The following SLC7A14 variants were observed in gnomAD, a reference collection of about 807,000 sequenced individuals.
SLC7A14 encodes the protein solute carrier family 7 member 14, also known as gamma-aminobutyric acid transporter SLC7A14.
In SLC7A14, 37 loss-of-function variants were observed where a neutral mutation model predicts 60.2. The observed-to-expected ratio is 0.61, with a 90% CI of 0.47 to 0.81. SLC7A14 has a LOEUF of 0.81. Among genes scored for constraint, SLC7A14 ranks in the 30% least tolerant of loss-of-function variants. SLC7A14 has a pLI of 0.00. For synonymous variants in SLC7A14, 399 were observed against 395.8 expected (o/e 1.01, Z -0.10); for missense variants, 886 against 982.7 (o/e 0.90, Z 1.32).
At chr3:170,555,578 C>T (rs557932900) in intron 1 of SLC7A14, among the ~76,000 whole-genome samples, 1 of 152,248 alleles carries the variant, frequency 6.6e-6, no homozygotes, top group Non-Finnish European at 1.5e-5. Flanking sequence ...CCACACAAAC[C>T]CAGATGGTAC....
chr3:170,508,074 CT>C (rs1256786622), intron 2 of SLC7A14, among the ~76,000 whole-genome samples: 7 of 152,238 alleles, frequency 4.6e-5, no homozygotes, highest in Admixed American at 3.3e-4. Flanking sequence ...GCCTTAGCAG[CT>C]TTCTAATTCA....
chr3:170,534,468 G>A (rs1208984619), intron 1 of SLC7A14, among the ~76,000 whole-genome samples: 1 of 152,180 alleles, frequency 6.6e-6, no homozygotes, highest in Admixed American at 6.5e-5. Context: ...ACAGGGCGAA[G>A]TTGTGCACTT....
At chr3:170,497,469 A>G (rs1712445461) in intron 4 of SLC7A14, among the ~76,000 whole-genome samples, 1 of 152,204 alleles carries the variant, frequency 6.6e-6, no homozygotes. Flanking sequence ...GTGTTCTCCA[A>G]GAAACATTTC....
intron 1 of SLC7A14, among the ~76,000 whole-genome samples, chr3:170,583,897 G>T (rs889266863): frequency 4.6e-5 from 7 of 152,218 alleles, no homozygotes; most frequent in African/African-American, 1.7e-4. Context: ...GAAGAGAGGA[G>T]AGTGTGTGAA....
intron 2 of SLC7A14, among the ~76,000 whole-genome samples, chr3:170,512,136 T>C (rs866397121): frequency 3.4e-4 from 52 of 152,184 alleles, no homozygotes; most frequent in African/African-American, 1.2e-3. Flanking sequence ...CCAACAGAGA[T>C]GACAGATCTC....
chr3:170,562,528 A>G (rs1352294564), intron 1 of SLC7A14, among the ~76,000 whole-genome samples: 1 of 152,076 alleles, frequency 6.6e-6, no homozygotes, highest in East Asian at 1.9e-4. Context: ...AAGACTACAA[A>G]TTGGGTTCAG....
intron 7 of SLC7A14, among the ~76,000 whole-genome samples, chr3:170,471,824 G>T (rs1739919186): frequency 1.3e-5 from 2 of 152,094 alleles, no homozygotes; most frequent in African/African-American, 2.4e-5. Flanking sequence ...TATTCTATTT[G>T]GATATTTAAT....
chr3:170,562,986 T>C (rs1714695300), intron 1 of SLC7A14, among the ~76,000 whole-genome samples: 1 of 152,172 alleles, frequency 6.6e-6, no homozygotes, highest in Admixed American at 6.6e-5. Context: ...GGTCTCAAAC[T>C]TCTGGCCTCA....
At chr3:170,561,480 A>C (rs773705494) in intron 1 of SLC7A14, among the ~76,000 whole-genome samples, 8 of 152,238 alleles carry the variant, frequency 5.3e-5, no homozygotes, top group Non-Finnish European at 1.2e-4. Flanking sequence ...GTTGTGGACA[A>C]ATTGTGTGTC....
At chr3:170,500,397 C>T (rs913699895) in intron 3 of SLC7A14, among the ~76,000 whole-genome samples, 2 of 142,670 alleles carry the variant, frequency 1.4e-5, no homozygotes, top group African/African-American at 5.4e-5. Flanking sequence ...CCAGATCATG[C>T]CATTGCACTC....
intron 2 of SLC7A14, among the ~76,000 whole-genome samples, chr3:170,515,631 G>C (rs189400998): frequency 6.6e-5 from 10 of 151,934 alleles, no homozygotes; most frequent in South Asian, 4.2e-4. Flanking sequence ...TGTTGGGGTG[G>C]GGGGGGAGTT....
intron 4 of SLC7A14, among the ~76,000 whole-genome samples, chr3:170,489,219 G>T (rs1712136497): frequency 6.6e-6 from 1 of 151,928 alleles, no homozygotes; most frequent in Non-Finnish European, 1.5e-5. Flanking sequence ...TCTGACAAGG[G>T]ATTAATAACC....
chr3:170,486,581 TAAG>T (rs1177489927), intron 4 of SLC7A14, among the ~76,000 whole-genome samples: 2 of 152,094 alleles, frequency 1.3e-5, no homozygotes, highest in Non-Finnish European at 2.9e-5. Flanking sequence ...TAAATAGAGA[TAAG>T]AAGAATTGGC....
Position 170,467,265 on chromosome 3 carries a change from G to T in SLC7A14, c.2106C>A (p.Phe702Leu), listed in dbSNP as rs765762215. 1 of 1,614,250 alleles carries T rather than the reference G, an allele frequency of 6.2e-7. No individual in the cohort carries two copies. Among genetic ancestry groups the T allele is most frequent in the South Asian group, 1.1e-5 (1 of 91,086 alleles). The change falls in exon 8 of 8, where the codon TTC (phenylalanine) becomes TTA (leucine). Residue 702 changes from phenylalanine (F) to leucine (L), a missense_variant. Physicochemically the swap from Phe to Leu is conservative, Grantham distance 22. Coordinates refer to ENST00000231706, the MANE Select transcript of SLC7A14 (RefSeq NM_020949.3). ...CGTAGGAGAAACCCTCCTCCACTGA[G>T]AAGGGGTCATCCACGTCGTAGCGTT... ...TYQRYDVDDP[F>L]SVEEGFSYAT...
intron 1 of SLC7A14, among the ~76,000 whole-genome samples, chr3:170,569,369 T>A (rs1418411732): frequency 2.0e-5 from 3 of 152,200 alleles, no homozygotes; most frequent in African/African-American, 7.2e-5. Context: ...GCCCACATGA[T>A]CATGGTGGAT....
At chr3:170,560,542 A>G (rs1169738393) in intron 1 of SLC7A14, among the ~76,000 whole-genome samples, 1 of 152,190 alleles carries the variant, frequency 6.6e-6, no homozygotes, top group Non-Finnish European at 1.5e-5. Context: ...ATTTGAAGCT[A>G]CTTCAGACTT....
intron 7 of SLC7A14, among the ~76,000 whole-genome samples, chr3:170,470,127 C>G (rs1161846402): frequency 6.6e-6 from 1 of 152,114 alleles, no homozygotes; most frequent in Non-Finnish European, 1.5e-5. Flanking sequence ...AGTGACTTGC[C>G]TGGGTCTGAG....
intron 1 of SLC7A14, among the ~76,000 whole-genome samples, chr3:170,576,646 G>A (rs1477334679): frequency 1.3e-5 from 2 of 152,218 alleles, no homozygotes; most frequent in Admixed American, 6.5e-5. Flanking sequence ...AACGCTCTCT[G>A]TCTGCATCAA....
chr3:170,501,843 A>G (rs1189933440), intron 2 of SLC7A14, among the ~76,000 whole-genome samples: 1 of 152,260 alleles, frequency 6.6e-6, no homozygotes, highest in Non-Finnish European at 1.5e-5. Flanking sequence ...AAATATAAAT[A>G]AATTACTAAT....
Sources: gnomAD v4.1 joint callset for allele counts (sites outside exome capture counted in the v4.1 genomes callset) on GRCh38, gnomAD v4.1.1 for gene constraint, MANE v1.5 for transcripts, NCBI Gene and HGNC (gene_info 2026-07-23, HGNC 2026-07-21) for gene names.